Variants in ZFP82 observed in about 807,000 individuals in gnomAD.
ZFP82 encodes the protein ZFP82 zinc finger protein, also known as zinc finger protein 82 homolog.
ZFP82 carries 30 observed loss-of-function variants against 54.0 expected under a neutral mutation model. That is an observed-to-expected ratio of 0.56 (90% CI 0.42 to 0.75). The LOEUF (loss-of-function observed/expected upper bound fraction) is 0.75. Ranked by LOEUF, ZFP82 falls within the 30% of genes least tolerant of loss-of-function variation. The pLI is 0.00. For missense variants in ZFP82, 500 were observed against 636.8 expected (o/e 0.79, Z 2.31); for synonymous variants, 194 against 209.5 (o/e 0.93, Z 0.64).
intron 4 of ZFP82, chr19:36,394,317 A>G (rs1259187803): frequency 1.9e-6 from 1 of 531,090 alleles, no homozygotes; most frequent in African/African-American, 1.9e-5. Context: ...GATGAAGTAA[A>G]CATTTTAAGT....
In ZFP82 at chr19:36,390,200, G is replaced by C. The variant is rs2032170916; in HGVS notation, c.*2541C>G. 1 of 152,094 alleles carries C rather than the reference G, an allele frequency of 6.6e-6. No individual in the cohort carries two copies. Among genetic ancestry groups the C allele is most frequent in the Non-Finnish European group, 1.5e-5 (1 of 68,034 alleles). 9.4% of individuals were successfully genotyped at this position (152,094 alleles called of 1,614,324 possible). On this transcript the variant is annotated 3_prime_UTR_variant, in exon 5 of 5. Coordinates refer to ENST00000392161, the MANE Select transcript of ZFP82 (RefSeq NM_133466.4). ...CTTCATGACAATAATTTCCATGTCT[G>C]CCTGTCTCACCATGATTGATTAAAA...
In ZFP82 at chr19:36,418,632, A is replaced by G. The variant is rs2032715993; in HGVS notation, c.-219T>C. The G allele has an allele frequency of 1.3e-5, 2 of 152,372 alleles. No homozygotes were observed. The highest frequency in any genetic ancestry group is 2.9e-5 in the Non-Finnish European group (2 of 68,170). The allele number at this position is 152,372 out of a possible 1,614,324, so 9.4% of individuals were successfully genotyped here. A position where few individuals can be genotyped will look rare whatever the true frequency, so the allele number is the denominator to read the frequency against. ...GAAGCCGCTGCCGGGTCACGCCACA[A>G]TCCCCGGGGCCTAACGGGCTGCGCG... On this transcript the variant is annotated 5_prime_UTR_variant, in exon 1 of 5. Transcript: ENST00000392161.
chr19:36,414,045 T>C (rs1286582399), intron 1 of ZFP82, among the ~76,000 whole-genome samples: 6 of 150,774 alleles, frequency 4.0e-5, no homozygotes, highest in Non-Finnish European at 8.9e-5. Flanking sequence ...GGACTACAGG[T>C]GCCCGCCACC....
intron 3 of ZFP82, 47 bp downstream of exon 3, chr19:36,407,840 G>T: frequency 6.3e-7 from 1 of 1,579,642 alleles, no homozygotes; most frequent in South Asian, 1.1e-5. Context: ...GGAAAAAGCT[G>T]ATTTACAGAG....
At chr19:36,415,268 T>A (rs1388680073) in intron 1 of ZFP82, among the ~76,000 whole-genome samples, 1 of 152,214 alleles carries the variant, frequency 6.6e-6, no homozygotes, top group East Asian at 1.9e-4. Context: ...ATATTTATTG[T>A]GGATGGTGAG....
chr19:36,414,915 G>A (rs781179829), intron 1 of ZFP82, among the ~76,000 whole-genome samples: 2 of 150,536 alleles, frequency 1.3e-5, no homozygotes, highest in East Asian at 1.9e-4. Context: ...TCCACCTTCC[G>A]GGTTCAAGTG....
chr19:36,417,568 T>C (rs192216479), intron 1 of ZFP82, among the ~76,000 whole-genome samples: 5 of 152,262 alleles, frequency 3.3e-5, no homozygotes, highest in African/African-American at 4.8e-5. Context: ...TCTTAAAGAA[T>C]TGGGCAGGAC....
At position 36,391,828 on chromosome 19, in the gene ZFP82, G is replaced by A. The variant is rs956522038; in HGVS notation, c.*913C>T. The A allele has an allele frequency of 6.6e-6, 1 of 152,056 alleles. No individual in the cohort carries two copies. The highest frequency in any genetic ancestry group is 1.5e-5 in the Non-Finnish European group (1 of 68,022). 9.4% of individuals were successfully genotyped at this position (152,056 alleles called of 1,614,324 possible). On this transcript the variant is annotated 3_prime_UTR_variant, in exon 5 of 5. Transcript: ENST00000392161. ...AATTCCTTACTTTCAATATTTTAAC[G>A]AGAATAAGATATCTCAAGTTCAATG... is the stretch of plus-strand genomic sequence containing the variant.
downstream of ZFP82, chr19:36,384,480 G>A (rs148386116): frequency 1.3e-5 from 2 of 152,318 alleles, no homozygotes; most frequent in African/African-American, 4.8e-5. Context: ...GGGAATGGGA[G>A]TTCTATGGTG....
Position 36,392,789 on chromosome 19 carries a change from T to C in ZFP82, c.1551A>G (p.Gln517=). The C allele has an allele frequency of 6.3e-7, 1 of 1,599,556 alleles. No homozygotes were observed. The highest frequency in any genetic ancestry group is 8.5e-7 in the Non-Finnish European group (1 of 1,175,194). The change falls in exon 5 of 5, where the codon CAA becomes CAG. Residue 517 remains glutamine, a synonymous_variant. Coordinates refer to ENST00000392161, the MANE Select transcript of ZFP82 (RefSeq NM_133466.4). ...ECKECKKAFR[Q]HSHLTHHLKI... ...TCAGATGATGAGTAAGGTGTGAATGTTGCCTAAAGGCCTTCTTACATTCCT... is the reference window on the plus strand; with the variant it reads ...TCAGATGATGAGTAAGGTGTGAATGCTGCCTAAAGGCCTTCTTACATTCCT...
At chr19:36,386,036 G>A (rs979226180), downstream of ZFP82, among the ~76,000 whole-genome samples, 1 of 152,230 alleles carries the variant, frequency 6.6e-6, no homozygotes, top group Admixed American at 6.5e-5. Flanking sequence ...TATACCCAGA[G>A]ACTGCTGAAA....
At chr19:36,404,887 T>C (rs554805486) in intron 4 of ZFP82, among the ~76,000 whole-genome samples, 114 of 152,254 alleles carry the variant, frequency 7.5e-4, no homozygotes, top group Middle Eastern at 3.4e-3. Flanking sequence ...GCTGACACTA[T>C]AAATGCAAAA....
At chr19:36,400,649 TC>T (rs1317118581) in intron 4 of ZFP82, among the ~76,000 whole-genome samples, 1 of 152,176 alleles carries the variant, frequency 6.6e-6, no homozygotes, top group African/African-American at 2.4e-5. Context: ...ACTCACTGGA[TC>T]CTTTCTTACT....
chr19:36,403,729 A>T (rs1023276270), intron 4 of ZFP82, among the ~76,000 whole-genome samples: 12 of 152,044 alleles, frequency 7.9e-5, no homozygotes, highest in African/African-American at 2.9e-4. Context: ...AGAGTCTATT[A>T]TATCCATGTT....
At chr19:36,409,641 T>G in intron 2 of ZFP82, 140 bp downstream of exon 2, 1 of 816,408 alleles carries the variant, frequency 1.2e-6, no homozygotes, top group Non-Finnish European at 2.1e-6. Context: ...GGACAAGCAT[T>G]GTGGTTCACC....
chr19:36,392,573 C>A lies in ZFP82; in HGVS notation c.*168G>T, dbSNP rs1196083347. The A allele has an allele frequency of 1.7e-6, 1 of 577,452 alleles. No homozygotes were observed. Among genetic ancestry groups the A allele is most frequent in the Non-Finnish European group, 2.9e-6 (1 of 348,056 alleles). 35.8% of individuals were successfully genotyped at this position (577,452 alleles called of 1,614,324 possible). Reference sequence around the variant, plus strand: ...CTTATAACAGGATTAGTTTTTAGAACAAATATGCTGAAGTTTCAGGTTTGA... The same window carrying A: ...CTTATAACAGGATTAGTTTTTAGAAAAAATATGCTGAAGTTTCAGGTTTGA... On this transcript the variant is annotated 3_prime_UTR_variant, in exon 5 of 5. Transcript: ENST00000392161.
chr19:36,386,626 CT>C (rs2032117966), downstream of ZFP82, among the ~76,000 whole-genome samples: 1 of 152,194 alleles, frequency 6.6e-6, no homozygotes, highest in African/African-American at 2.4e-5. Context: ...AAGGAAGGGT[CT>C]TCTGGAGCCT....
downstream of ZFP82, among the ~76,000 whole-genome samples, chr19:36,386,675 C>T (rs372396389): frequency 6.6e-5 from 10 of 152,204 alleles, no homozygotes; most frequent in East Asian, 1.9e-3. Flanking sequence ...CGCTGGCTCA[C>T]GCCTGTAATC....
chr19:36,393,261 T>C lies in ZFP82; in HGVS notation c.1079A>G (p.His360Arg). 2 of 1,614,104 alleles carry C rather than the reference T, an allele frequency of 1.2e-6. No individual in the cohort carries two copies. Among genetic ancestry groups the C allele is most frequent in the Non-Finnish European group, 1.7e-6 (2 of 1,180,008 alleles). The change falls in exon 5 of 5, where the codon CAT (histidine) becomes CGT (arginine). Residue 360 changes from histidine (H) to arginine (R), a missense_variant. Transcript: ENST00000392161. ...RQQLTLHQRI[H>R]TGEKPYECKE... The stretch of plus-strand genomic sequence containing the variant: ...ACATTCATAGGGTTTCTCACCAGTA[T>C]GAATTCTCTGATGGAGTGTTAGTTG...
Sources: allele counts gnomAD v4.1 joint callset (sites outside exome capture counted in the v4.1 genomes callset), GRCh38; gene constraint gnomAD v4.1.1; transcripts MANE v1.5; gene names NCBI Gene and HGNC (gene_info 2026-07-23, HGNC 2026-07-21).